Variants in TMEM169 observed in about 807,000 individuals in gnomAD.
TMEM169 encodes the protein transmembrane protein 169.
In TMEM169, 18 loss-of-function variants were observed where a neutral mutation model predicts 27.3. The ratio of observed to expected loss-of-function variants is 0.66; its 90% confidence interval spans 0.46 to 0.98. The LOEUF is 0.98. Ranked by LOEUF, TMEM169 falls within the 50% of genes least tolerant of loss-of-function variation. The pLI is 0.00. For missense variants in TMEM169, 320 were observed against 368.6 expected (o/e 0.87, Z 1.08); for synonymous variants, 136 against 142.1 (o/e 0.96, Z 0.30).
rs1381335480 is a variant in TMEM169, at chr2:216,102,457, C to T, written c.*1915C>T. ...TCAGCAGAATTTGGAGATTTGGGTCCTTATAAGAATAGCTGGTGCTCTTTT... is the reference window on the plus strand; with the variant it reads ...TCAGCAGAATTTGGAGATTTGGGTCTTTATAAGAATAGCTGGTGCTCTTTT... On this transcript the variant is annotated 3_prime_UTR_variant, in exon 3 of 3. Coordinates refer to ENST00000437356, the MANE Select transcript of TMEM169 (RefSeq NM_001142311.2). 6.6e-6 allele frequency: 1 copy of T among 152,132 alleles called. No homozygotes were observed. Among genetic ancestry groups the T allele is most frequent in the Non-Finnish European group, 1.5e-5 (1 of 67,952 alleles). 9.4% of individuals were successfully genotyped at this position (152,132 alleles called of 1,614,324 possible).
intron 1 of TMEM169, among the ~76,000 whole-genome samples, chr2:216,090,602 A>G (rs1696099659): frequency 6.6e-6 from 1 of 152,214 alleles, no homozygotes; most frequent in Non-Finnish European, 1.5e-5. Context: ...AGAAAATTCT[A>G]TTCACAGAAT....
chr2:216,100,206 CT>C lies in TMEM169; in HGVS notation c.559del (p.Trp187GlyfsTer106). 1.2e-6 allele frequency: 2 copies of C among 1,613,916 alleles called. No homozygotes were observed. The highest frequency in any genetic ancestry group is 1.7e-6 in the Non-Finnish European group (2 of 1,180,008). The stretch of plus-strand genomic sequence containing the variant: ...TCTCTTTCTACTACGGCACTATCAC[CT>C]GGTACAACATCTTCCTCGTGTATAA... ...VVSFYYGTIT[W>X]YNIFLVYNEE... On this transcript the variant is annotated frameshift_variant, in exon 3 of 3. Coordinates refer to ENST00000437356, the MANE Select transcript of TMEM169 (RefSeq NM_001142311.2). LOFTEE classifies it high-confidence loss of function.
chr2:216,088,145 G>A (rs146319362), intron 1 of TMEM169, among the ~76,000 whole-genome samples: 257 of 142,804 alleles, frequency 1.8e-3, no homozygotes, highest in African/African-American at 6.6e-3. Context: ...GTGACCAAGC[G>A]AGACTCTGTC....
chr2:216,091,124 T>C (rs1335962953), intron 1 of TMEM169, among the ~76,000 whole-genome samples: 1 of 152,192 alleles, frequency 6.6e-6, no homozygotes, highest in African/African-American at 2.4e-5. Flanking sequence ...TGGGTTAATT[T>C]CCAAAAACAT....
intron 2 of TMEM169, among the ~76,000 whole-genome samples, chr2:216,096,613 C>T (rs528455228): frequency 6.6e-6 from 1 of 152,208 alleles, no homozygotes; most frequent in Non-Finnish European, 1.5e-5. Flanking sequence ...GATCCACCTG[C>T]CTCAGCCTCC....
intron 1 of TMEM169, among the ~76,000 whole-genome samples, chr2:216,090,094 G>A (rs1041999668): frequency 3.9e-5 from 6 of 152,210 alleles, no homozygotes; most frequent in African/African-American, 1.4e-4. Flanking sequence ...ATTGCAGGAT[G>A]AACTGGATAT....
At chr2:216,098,715 TGTGTG>T (rs1247652737) in intron 2 of TMEM169, among the ~76,000 whole-genome samples, 2 of 25,376 alleles carry the variant, frequency 7.9e-5, no homozygotes, top group Non-Finnish European at 1.1e-4. Flanking sequence ...GTGGGTGCGT[TGTGTG>T]TGTGTGTGTG....
chr2:216,094,240 T>C (rs1696208546), intron 1 of TMEM169, among the ~76,000 whole-genome samples: 1 of 152,196 alleles, frequency 6.6e-6, no homozygotes, highest in Non-Finnish European at 1.5e-5. Context: ...TGCACAGTTA[T>C]TTGAAAAGTG....
At chr2:216,083,095 G>A (rs1263672824) in intron 1 of TMEM169, 1 of 152,078 alleles carries the variant, frequency 6.6e-6, no homozygotes. Flanking sequence ...TCTCTTTTTA[G>A]AATCACTTCT....
Position 216,100,640 on chromosome 2 carries a change from A to C in TMEM169, c.*98A>C. ...CTTTAAATTACCCCCTACTCTCCGC[A>C]GTTCTTCTGGGAAATCAGAGTCCAT... On this transcript the variant is annotated 3_prime_UTR_variant, in exon 3 of 3. Transcript: ENST00000437356. The C allele has an allele frequency of 6.6e-7, 1 of 1,516,920 alleles. No homozygotes were observed. The allele number at this position is 1,516,920 out of a possible 1,614,324, so 94.0% of individuals were successfully genotyped here.
intron 1 of TMEM169, among the ~76,000 whole-genome samples, chr2:216,095,632 A>G (rs1402653417): frequency 6.6e-6 from 1 of 152,246 alleles, no homozygotes; most frequent in Non-Finnish European, 1.5e-5. Flanking sequence ...CAAATATTAT[A>G]TGTTTGTATA....
Position 216,096,022 on chromosome 2 carries a change from C to T in TMEM169, c.59C>T (p.Ser20Phe). The change falls in exon 2 of 3, where the codon TCT (serine) becomes TTT (phenylalanine). Residue 20 changes from serine (S) to phenylalanine (F), a missense_variant. Transcript: ENST00000437356. Reference protein sequence around the residue: ...QVQLPSPHQGSLRKAVAAALA... With the variant: ...QVQLPSPHQGFLRKAVAAALA... ...CAGCTTCCAAGCCCCCACCAGGGCT[C>T]TCTCAGGAAGGCTGTGGCTGCTGCC... is the stretch of plus-strand genomic sequence containing the variant. 6.2e-7 allele frequency: 1 copy of T among 1,614,206 alleles called. No individual in the cohort carries two copies. Among genetic ancestry groups the T allele is most frequent in the South Asian group, 1.1e-5 (1 of 91,084 alleles).
In TMEM169 at chr2:216,099,135, G is replaced by A. The variant is rs1016841785; in HGVS notation, c.272-785G>A. Among the ~76,000 whole-genome samples the A allele has an allele frequency of 6.6e-6, 1 of 151,514 alleles. No individual in the cohort carries two copies. Among genetic ancestry groups the A allele is most frequent in the African/African-American group, 2.4e-5 (1 of 41,168 alleles). On this transcript the variant is annotated intron_variant, in intron 2 of 2. Transcript: ENST00000437356. This position sits in a 1 kb window ranked among gnomAD's most constrained non-coding sequence, Gnocchi z 5.0. ...TGTGTGATATGTATGGGTATGTGGT[G>A]TGTATATGGTATGTGTATGTGTTGT...
chr2:216,101,150 A>T lies in TMEM169; in HGVS notation c.*608A>T, dbSNP rs530481784. 6.2e-6 allele frequency: 1 copy of T among 161,016 alleles called. No individual in the cohort carries two copies. Among genetic ancestry groups the T allele is most frequent in the Admixed American group, 5.7e-5 (1 of 17,656 alleles). The allele number at this position is 161,016 out of a possible 1,614,324, so 10.0% of individuals were successfully genotyped here. ...GTAATCCAGGTCCCAGGCTTCTTCT[A>T]TTTCTCTACCATTAGTAGGATGTGA... On this transcript the variant is annotated 3_prime_UTR_variant, in exon 3 of 3. Coordinates refer to ENST00000437356, the MANE Select transcript of TMEM169 (RefSeq NM_001142311.2).
At chr2:216,082,953 A>G (rs1695903393) in intron 1 of TMEM169, 3 of 152,232 alleles carry the variant, frequency 2.0e-5, no homozygotes, top group South Asian at 2.1e-4. Context: ...CACAAAGCCA[A>G]TTGGAAATGG....
intron 1 of TMEM169, among the ~76,000 whole-genome samples, chr2:216,086,551 A>T (rs79618838): frequency 6.6e-4 from 100 of 152,372 alleles, no homozygotes; most frequent in African/African-American, 2.3e-3. Flanking sequence ...CCTGCTTCTC[A>T]GATCAAATAC....
At chr2:216,094,968 G>C (rs1381130061) in intron 1 of TMEM169, among the ~76,000 whole-genome samples, 1 of 152,122 alleles carries the variant, frequency 6.6e-6, no homozygotes, top group East Asian at 1.9e-4. Flanking sequence ...GAATAGCAAG[G>C]TAGACACAGT....
At position 216,101,219 on chromosome 2, in the gene TMEM169, T is replaced by C. The variant is rs1696388001; in HGVS notation, c.*677T>C. On this transcript the variant is annotated 3_prime_UTR_variant, in exon 3 of 3. Coordinates refer to ENST00000437356, the MANE Select transcript of TMEM169 (RefSeq NM_001142311.2). Reference sequence around the variant, plus strand: ...CCAACATCCCAGTGCTGATTACATCTTCAGCCATCACATCCATGTTTCTGA... The same window carrying C: ...CCAACATCCCAGTGCTGATTACATCCTCAGCCATCACATCCATGTTTCTGA... The C allele has an allele frequency of 6.5e-6, 1 of 153,744 alleles. No homozygotes were observed. The highest frequency in any genetic ancestry group is 1.4e-5 in the Non-Finnish European group (1 of 69,146). 9.5% of individuals were successfully genotyped at this position (153,744 alleles called of 1,614,324 possible).
At chr2:216,085,884 C>A (rs1444830675) in intron 1 of TMEM169, among the ~76,000 whole-genome samples, 9 of 147,174 alleles carry the variant, frequency 6.1e-5, no homozygotes, top group African/African-American at 7.5e-5. Context: ...AAAAAAAAAA[C>A]AAAAACAAAA....
Sources: gnomAD v4.1 joint callset for allele counts (sites outside exome capture counted in the v4.1 genomes callset) on GRCh38, gnomAD v4.1.1 for gene constraint, Gnocchi (gnomAD v3.1) non-coding constraint, MANE v1.5 for transcripts, NCBI Gene and HGNC (gene_info 2026-07-23, HGNC 2026-07-21) for gene names.